Variants in SCD5 observed in about 807,000 individuals in gnomAD.
SCD5 encodes acyl-CoA-desaturase 4.
In SCD5, 20 loss-of-function variants were observed where a neutral mutation model predicts 30.4. That is an observed-to-expected ratio of 0.66 (90% CI 0.46 to 0.96). SCD5 has a LOEUF of 0.96. Among genes scored for constraint, SCD5 ranks in the 40% least tolerant of loss-of-function variants. SCD5 has a pLI of 0.00. For missense variants in SCD5, 381 were observed against 443.3 expected (o/e 0.86, Z 1.26); for synonymous variants, 173 against 176.4 (o/e 0.98, Z 0.16).
intron 3 of SCD5, among the ~76,000 whole-genome samples, chr4:82,680,431 A>G (rs1419596280): frequency 6.6e-6 from 1 of 152,252 alleles, no homozygotes; most frequent in Non-Finnish European, 1.5e-5. Flanking sequence ...AACAGATTCC[A>G]TGAAATCAGC....
chr4:82,664,999 C>CTATATATA lies in SCD5; in HGVS notation c.569+15700_569+15707dup, dbSNP rs70964800. 3.9e-3 allele frequency among the ~76,000 whole-genome samples: 272 copies of CTATATATA among 70,406 alleles called. 4 individuals are homozygous for CTATATATA. The highest frequency in any genetic ancestry group is 6.0e-3 in the African/African-American group (80 of 13,320). The allele number at this position is 70,406 out of a possible 152,430, so 46.2% of individuals were successfully genotyped here. A position where few individuals can be genotyped will look rare whatever the true frequency, so the allele number is the denominator to read the frequency against. On this transcript the variant is annotated intron_variant, in intron 3 of 4. Transcript: ENST00000319540. ...TCTCTCTCTCTCTCTCTCTCTCTCT[C>CTATATATA]TATATATATATATATATATATGTAT... is the stretch of plus-strand genomic sequence containing the variant.
At chr4:82,777,080 G>A (rs553993476) in intron 1 of SCD5, among the ~76,000 whole-genome samples, 18 of 152,350 alleles carry the variant, frequency 1.2e-4, no homozygotes, top group Admixed American at 9.1e-4. Context: ...ATGAGGAGCC[G>A]GAGAGCTCTC....
intron 2 of SCD5, among the ~76,000 whole-genome samples, chr4:82,693,857 C>A (rs1278442133): frequency 6.6e-6 from 1 of 152,202 alleles, no homozygotes; most frequent in African/African-American, 2.4e-5. Flanking sequence ...AAGAGGACTC[C>A]ATTTGGGAAG....
intron 1 of SCD5, among the ~76,000 whole-genome samples, chr4:82,793,933 G>C (rs995184880): frequency 6.6e-6 from 1 of 152,120 alleles, no homozygotes; most frequent in African/African-American, 2.4e-5. Flanking sequence ...TCAACAACCT[G>C]AGGGACTTGA....
chr4:82,753,418 G>T (rs1188133369), intron 1 of SCD5: 1 of 530,568 alleles, frequency 1.9e-6, no homozygotes, highest in Non-Finnish European at 3.9e-6. Flanking sequence ...TAAGCCAGTG[G>T]CAGGGCTGAA....
chr4:82,681,471 G>C (rs1218346993), intron 2 of SCD5, among the ~76,000 whole-genome samples: 1 of 152,118 alleles, frequency 6.6e-6, no homozygotes, highest in African/African-American at 2.4e-5. Flanking sequence ...TGGTTGTTCT[G>C]TCCAGATCTT....
intron 1 of SCD5, among the ~76,000 whole-genome samples, chr4:82,779,010 C>T (rs1721812701): frequency 6.6e-6 from 1 of 152,016 alleles, no homozygotes; most frequent in African/African-American, 2.4e-5. Context: ...GGATTACAGG[C>T]ATGCGCCACC....
chr4:82,711,101 T>C (rs769084491), intron 1 of SCD5, among the ~76,000 whole-genome samples: 1 of 152,106 alleles, frequency 6.6e-6, no homozygotes, highest in Non-Finnish European at 1.5e-5. Flanking sequence ...GCATGCAAAA[T>C]TGGAACCGTG....
In SCD5 at chr4:82,749,090, G is replaced by A. The variant is rs143760851; in HGVS notation, c.233-43677C>T. Among the ~76,000 whole-genome samples the A allele has an allele frequency of 1.7e-3, 255 of 152,314 alleles. 1 individual carries two copies. The highest frequency in any genetic ancestry group is 3.4e-3 in the Middle Eastern group (1 of 294). On this transcript the variant is annotated intron_variant, in intron 1 of 4. Coordinates refer to ENST00000319540, the MANE Select transcript of SCD5 (RefSeq NM_001037582.3). ...TTTTATTAGTTTTACTTGTACATGA[G>A]GCTCTTCACAAGACAGCAAAGTTCA...
chr4:82,683,539 C>T (rs1476303781), intron 2 of SCD5, among the ~76,000 whole-genome samples: 2 of 152,174 alleles, frequency 1.3e-5, no homozygotes, highest in African/African-American at 2.4e-5. Context: ...CAAAATATTT[C>T]CCTTACTCTC....
intron 1 of SCD5, among the ~76,000 whole-genome samples, chr4:82,714,771 G>GA (rs1720188700): frequency 6.6e-6 from 1 of 152,158 alleles, no homozygotes; most frequent in Non-Finnish European, 1.5e-5. Flanking sequence ...TTGGATTTCA[G>GA]ATTTTTGAAG....
chr4:82,636,662 A>G lies in SCD5; in HGVS notation c.731T>C (p.Met244Thr), dbSNP rs1221106213. 1.2e-5 allele frequency: 19 copies of G among 1,614,072 alleles called. No individual in the cohort carries two copies. The African/African-American group carries it at 1.2e-4, about 10-fold the overall frequency. Residue 244 changes from methionine (M) to threonine (T), a missense_variant, in exon 4 of 5, where the codon ATG becomes ACG. Met to Thr is a moderately conservative substitution (Grantham distance 81). Transcript: ENST00000319540. ...ISWLVNSAAH[M>T]YGNRPYDKHI... ...CTTGTCATAGGGCCGGTTTCCATAC[A>G]TGTGGGCGGCGCTGTTGACCAGCCA... is the stretch of plus-strand genomic sequence containing the variant.
rs929985094 is a variant in SCD5, at chr4:82,636,720, T to C, written c.673A>G (p.Ile225Val). 4 of 1,614,028 alleles carry C rather than the reference T, an allele frequency of 2.5e-6. No homozygotes were observed. The highest frequency in any genetic ancestry group is 3.4e-6 in the Non-Finnish European group (4 of 1,180,042). ...TTGAGTGAGATGGTATAGCGGAGAA[T>C]AGAGGCCAAGAAGTAGGAATTCCAC... ...SLWNSYFLASILRYTISLNIS... is the reference protein window; with the variant it reads ...SLWNSYFLASVLRYTISLNIS... The change falls in exon 4 of 5, where the codon ATT becomes GTT. Residue 225 changes from isoleucine (I) to valine (V), a missense_variant. Ile to Val is a conservative substitution (Grantham distance 29). Coordinates refer to ENST00000319540, the MANE Select transcript of SCD5 (RefSeq NM_001037582.3).
chr4:82,784,969 G>A (rs1721955284), intron 1 of SCD5, among the ~76,000 whole-genome samples: 1 of 152,170 alleles, frequency 6.6e-6, no homozygotes, highest in Admixed American at 6.5e-5. Flanking sequence ...ACAACTAGTA[G>A]AGCCACAGTG....
chr4:82,635,960 A>G (rs1727420177), intron 4 of SCD5, among the ~76,000 whole-genome samples: 1 of 152,226 alleles, frequency 6.6e-6, no homozygotes, highest in Non-Finnish European at 1.5e-5. Context: ...TGAGGCTAGA[A>G]TGGTCAGGAC....
chr4:82,730,674 C>T (rs1720621418), intron 1 of SCD5, among the ~76,000 whole-genome samples: 3 of 148,192 alleles, frequency 2.0e-5, no homozygotes, highest in Non-Finnish European at 4.5e-5. Context: ...CATGCTCTGC[C>T]TCCCGGGTTC....
intron 1 of SCD5, among the ~76,000 whole-genome samples, chr4:82,747,703 A>G (rs1721024345): frequency 1.3e-5 from 2 of 152,248 alleles, no homozygotes; most frequent in South Asian, 4.1e-4. Flanking sequence ...ATTATGGATT[A>G]CGATCAGCAG....
At chr4:82,760,249 C>T (rs1489353899) in intron 1 of SCD5, among the ~76,000 whole-genome samples, 1 of 152,134 alleles carries the variant, frequency 6.6e-6, no homozygotes, top group African/African-American at 2.4e-5. Flanking sequence ...ACCTGAGCCC[C>T]TACCCTCCCT....
intron 3 of SCD5, among the ~76,000 whole-genome samples, chr4:82,677,076 A>G (rs1298022142): frequency 3.9e-5 from 6 of 152,356 alleles, no homozygotes; most frequent in South Asian, 2.1e-4. Flanking sequence ...GCAAAAGTTT[A>G]TCAATCAACT....
Sources: gnomAD v4.1 joint callset for allele counts (sites outside exome capture counted in the v4.1 genomes callset) on GRCh38, gnomAD v4.1.1 for gene constraint, MANE v1.5 for transcripts, NCBI Gene and HGNC (gene_info 2026-07-23, HGNC 2026-07-21) for gene names.